Variants in ERO1B observed in about 807,000 individuals in gnomAD.
ERO1B encodes endoplasmic reticulum oxidoreductase 1 beta.
In ERO1B, 49 loss-of-function variants were observed where a neutral mutation model predicts 75.3. The observed-to-expected ratio is 0.65, with a 90% CI of 0.52 to 0.83. The LOEUF (loss-of-function observed/expected upper bound fraction) is 0.83, where lower values mean the gene tolerates loss of function less well. Ranked by LOEUF, ERO1B falls within the 40% of genes least tolerant of loss-of-function variation. The pLI is 0.00. For missense variants in ERO1B, 512 were observed against 560.1 expected (o/e 0.91, Z 0.87); for synonymous variants, 191 against 192.9 (o/e 0.99, Z 0.08).
At chr1:236,243,986 C>CT (rs1477004612) in intron 5 of ERO1B, among the ~76,000 whole-genome samples, 1 of 152,096 alleles carries the variant, frequency 6.6e-6, no homozygotes, top group Non-Finnish European at 1.5e-5. Context: ...AACAATGCCA[C>CT]TTTTATCATG....
At chr1:236,259,742 A>G (rs1456791403) in intron 2 of ERO1B, among the ~76,000 whole-genome samples, 1 of 152,216 alleles carries the variant, frequency 6.6e-6, no homozygotes, top group African/African-American at 2.4e-5. Context: ...TATAAAGCAA[A>G]TATCAATAGC....
intron 6 of ERO1B, among the ~76,000 whole-genome samples, chr1:236,239,911 A>ATTTTTT (rs1218642025): frequency 1.9e-5 from 2 of 106,960 alleles, no homozygotes; most frequent in East Asian, 3.4e-4. Flanking sequence ...ATATATATAT[A>ATTTTTT]TTTTTTTTTT....
chr1:236,278,587 T>C (rs1665758112), intron 1 of ERO1B, among the ~76,000 whole-genome samples: 1 of 152,128 alleles, frequency 6.6e-6, no homozygotes, highest in Non-Finnish European at 1.5e-5. Context: ...TCTAAGTTTC[T>C]GGCTTTTCAT....
At chr1:236,241,124 G>A (rs989752564) in intron 6 of ERO1B, among the ~76,000 whole-genome samples, 1 of 152,124 alleles carries the variant, frequency 6.6e-6, no homozygotes, top group Non-Finnish European at 1.5e-5. Context: ...CAGCAAAACA[G>A]CAGGAAATGG....
At chr1:236,279,222 G>T (rs1665769210) in intron 1 of ERO1B, among the ~76,000 whole-genome samples, 1 of 152,186 alleles carries the variant, frequency 6.6e-6, no homozygotes, top group African/African-American at 2.4e-5. Context: ...AGATGATCAG[G>T]CCAGGCACGG....
chr1:236,238,522 C>G (rs61833550), intron 6 of ERO1B, among the ~76,000 whole-genome samples: 8 of 89,822 alleles, frequency 8.9e-5, no homozygotes, highest in African/African-American at 2.8e-4. Context: ...TGGGCAACAG[C>G]CTTTTTTTTT....
intron 6 of ERO1B, among the ~76,000 whole-genome samples, chr1:236,236,615 T>G (rs1365113606): frequency 6.6e-6 from 1 of 152,186 alleles, no homozygotes; most frequent in African/African-American, 2.4e-5. Flanking sequence ...AAAAAACAAC[T>G]CTTCCATTTC....
chr1:236,233,302 T>G (rs1308989104), intron 8 of ERO1B, among the ~76,000 whole-genome samples: 1 of 120,650 alleles, frequency 8.3e-6, no homozygotes, highest in Non-Finnish European at 1.7e-5. Flanking sequence ...AGAGCAAAAT[T>G]CCGTCTCAAA....
chr1:236,241,276 G>A (rs1013667097), intron 6 of ERO1B, among the ~76,000 whole-genome samples: 2 of 152,184 alleles, frequency 1.3e-5, no homozygotes, highest in African/African-American at 4.8e-5. Flanking sequence ...AGGCACGGTG[G>A]CTGATGGCTG....
rs1182067068 is a variant in ERO1B, at chr1:236,226,659, A to G, written c.793T>C (p.Tyr265His). 1.9e-6 allele frequency: 3 copies of G among 1,610,286 alleles called. No individual in the cohort carries two copies. In the Admixed American group the frequency reaches 5.1e-5, roughly 27 times the overall value. Residue 265 changes from tyrosine to histidine, a missense_variant, in exon 11 of 16, where the codon TAT (tyrosine) becomes CAT (histidine). Physicochemically the swap from Tyr to His is moderately conservative, Grantham distance 83. Transcript: ENST00000354619. ...AAAATATGATTACCTTCCAAAAGAT[A>G]ATTTGCGCATAGATGTAAATTGATG... Reference protein sequence around the residue: ...ASINLHLCANYLLEETWGKPS... With the variant: ...ASINLHLCANHLLEETWGKPS...
chr1:236,225,043 C>G, intron 13 of ERO1B, 27 bp downstream of exon 13: 2 of 1,608,094 alleles, frequency 1.2e-6, no homozygotes, highest in Non-Finnish European at 1.7e-6. Context: ...TGCTCCCAAC[C>G]CCGTGTCCCA....
chr1:236,223,308 G>A (rs1204559784), intron 13 of ERO1B, among the ~76,000 whole-genome samples: 2 of 151,790 alleles, frequency 1.3e-5, no homozygotes, highest in Non-Finnish European at 2.9e-5. Context: ...CACTTTATCT[G>A]CGGATAAGAT....
rs183256423 is a variant in ERO1B at position 236,226,150 on chromosome 1, C to T, written c.1052+119G>A. On this transcript the variant is annotated intron_variant, in intron 12 of 15. Transcript: ENST00000354619. ...TTCTGTTGTTCTATTGATCACTTTC[C>T]TTTTCTGTTCTACATCTCCCCTCGG... is the stretch of plus-strand genomic sequence containing the variant. The T allele has an allele frequency of 6.9e-5, 68 of 978,756 alleles. No homozygotes were observed. In the African/African-American group the frequency reaches 1.0e-3, roughly 14 times the overall value. 60.6% of individuals were successfully genotyped at this position (978,756 alleles called of 1,614,324 possible).
chr1:236,236,486 G>A (rs996119196), intron 6 of ERO1B, 88 bp from the exon 7 acceptor site: 2 of 1,390,566 alleles, frequency 1.4e-6, no homozygotes, highest in Non-Finnish European at 1.9e-6. Context: ...CTACTCAAAG[G>A]TAAGAAAAAT....
intron 1 of ERO1B, among the ~76,000 whole-genome samples, chr1:236,279,522 A>C (rs901663571): frequency 1.4e-5 from 2 of 144,224 alleles, no homozygotes; most frequent in Non-Finnish European, 3.0e-5. Context: ...AAAAAAAAAC[A>C]GCACAGTAGA....
chr1:236,276,321 A>G (rs999555372), intron 1 of ERO1B, among the ~76,000 whole-genome samples: 5 of 152,358 alleles, frequency 3.3e-5, no homozygotes, highest in Middle Eastern at 3.4e-3. Flanking sequence ...TACATTTGGT[A>G]TTTAAAGCTA....
chr1:236,235,734 T>C, intron 8 of ERO1B, 55 bp downstream of exon 8: 1 of 1,460,886 alleles, frequency 6.8e-7, no homozygotes, highest in South Asian at 1.2e-5. Context: ...AGTTTAGTTA[T>C]AAAGACATTT....
chr1:236,271,500 T>C (rs930645515), intron 1 of ERO1B, among the ~76,000 whole-genome samples: 4 of 152,148 alleles, frequency 2.6e-5, no homozygotes, highest in Admixed American at 2.0e-4. Flanking sequence ...ATTCCATTGC[T>C]CTCACTTACT....
chr1:236,249,025 CT>C (rs11367113), intron 5 of ERO1B, among the ~76,000 whole-genome samples: 70,765 of 117,890 alleles, frequency 0.6, 21,227 homozygotes, highest in Non-Finnish European at 0.75. Context: ...AAATACAAAT[CT>C]TTTTTTTTTT....
Sources: allele counts gnomAD v4.1 joint callset (sites outside exome capture counted in the v4.1 genomes callset), GRCh38; gene constraint gnomAD v4.1.1; transcripts MANE v1.5; gene names NCBI Gene and HGNC (gene_info 2026-07-23, HGNC 2026-07-21).